SNAP47: variants seen among roughly 807,000 people sequenced by gnomAD.
The protein encoded by SNAP47 is synaptosome associated protein 47, also known as synaptosomal-associated protein 47.
Under a neutral mutation model 31.4 loss-of-function variants are expected in SNAP47, and 20 were observed. That is an observed-to-expected ratio of 0.64 (90% CI 0.45 to 0.93). The LOEUF is 0.93. Among genes scored for constraint, SNAP47 ranks in the 40% least tolerant of loss-of-function variants. SNAP47 has a pLI of 0.00. For synonymous variants in SNAP47, 194 were observed against 213.4 expected (o/e 0.91, Z 0.79); for missense variants, 492 against 528.5 (o/e 0.93, Z 0.68).
chr1:227,767,122 C>A (rs1663464343), intron 4 of SNAP47, 39 bp downstream of exon 4: 1 of 1,610,170 alleles, frequency 6.2e-7, no homozygotes, highest in African/African-American at 1.3e-5. Flanking sequence ...AGCGCTGTGT[C>A]CCAGTCTTCC....
intron 1 of SNAP47, among the ~76,000 whole-genome samples, chr1:227,744,277 C>A (rs1661811923): frequency 6.6e-6 from 1 of 150,920 alleles, no homozygotes; most frequent in Non-Finnish European, 1.5e-5. Context: ...GATTAGTGAT[C>A]AGTTCACACG....
chr1:227,742,960 C>T (rs1429356126), intron 1 of SNAP47, among the ~76,000 whole-genome samples: 5 of 152,230 alleles, frequency 3.3e-5, no homozygotes, highest in African/African-American at 1.2e-4. Flanking sequence ...CCGACCCTCG[C>T]CATGGCCCTG....
chr1:227,751,068 C>T (rs1020550768), intron 2 of SNAP47, among the ~76,000 whole-genome samples: 7 of 152,266 alleles, frequency 4.6e-5, no homozygotes, highest in South Asian at 2.1e-4. Flanking sequence ...AAAGACTGGC[C>T]GAGCCAGAGA....
At chr1:227,748,866 T>G (rs1162291886) in intron 2 of SNAP47, among the ~76,000 whole-genome samples, 1 of 152,254 alleles carries the variant, frequency 6.6e-6, no homozygotes, top group Non-Finnish European at 1.5e-5. Context: ...TCCTAGTGTA[T>G]GTCCAGAAAA....
intron 2 of SNAP47, among the ~76,000 whole-genome samples, chr1:227,756,642 A>C (rs1662714602): frequency 6.6e-6 from 1 of 150,706 alleles, no homozygotes; most frequent in African/African-American, 2.5e-5. Context: ...GCAAACAGTT[A>C]GGGTGCTGCC....
intron 3 of SNAP47, among the ~76,000 whole-genome samples, chr1:227,764,752 A>AT (rs1663281778): frequency 6.6e-6 from 1 of 152,110 alleles, no homozygotes; most frequent in African/African-American, 2.4e-5. Context: ...AAAATAAAAA[A>AT]AATTAGCCGG....
intron 4 of SNAP47, 104 bp downstream of exon 4, chr1:227,767,187 C>T (rs940800922): frequency 1.5e-5 from 23 of 1,501,786 alleles, no homozygotes; most frequent in Admixed American, 2.0e-5. Context: ...GTCATCCATC[C>T]GTATTGGCCT....
chr1:227,780,427 G>T, intron 4 of SNAP47, 100 bp from the exon 5 acceptor site: 2 of 1,516,026 alleles, frequency 1.3e-6, no homozygotes, highest in Non-Finnish European at 1.8e-6. Flanking sequence ...CACCCAGGTG[G>T]TAACGCAAAG....
Position 227,747,873 on chromosome 1 carries a change from T to A in SNAP47, c.137T>A (p.Val46Asp). 6.2e-7 allele frequency: 1 copy of A among 1,614,178 alleles called. No homozygotes were observed. The highest frequency in any genetic ancestry group is 8.5e-7 in the Non-Finnish European group (1 of 1,180,012). ...FMTDSTGEIL[V>D]SFPLSSIVEI... ...ACTGACAGCACTGGAGAGATTCTGG[T>A]CAGCTTCCCCCTCTCCAGCATAGTT... is the stretch of plus-strand genomic sequence containing the variant. The change falls in exon 2 of 5, where the codon GTC becomes GAC. Residue 46 changes from valine to aspartate, a missense_variant. Physicochemically the swap from Val to Asp is radical, Grantham distance 152. Coordinates refer to ENST00000617596, the MANE Select transcript of SNAP47 (RefSeq NM_053052.4).
At chr1:227,748,270 G>C in intron 2 of SNAP47, 37 bp downstream of exon 2, 3 of 1,504,950 alleles carry the variant, frequency 2.0e-6, no homozygotes, top group Non-Finnish European at 1.8e-6. Flanking sequence ...GGCACACACA[G>C]AGTAAGATGC....
chr1:227,768,605 T>C (rs1339806146), intron 4 of SNAP47, among the ~76,000 whole-genome samples: 1 of 152,218 alleles, frequency 6.6e-6, no homozygotes, highest in Non-Finnish European at 1.5e-5. Flanking sequence ...TGTCACTTTT[T>C]CCTCCCGGCC....
rs1047399062 is a variant in SNAP47 at position 227,771,039 on chromosome 1, G to A, written c.1113+3956G>A. On this transcript the variant is annotated intron_variant, in intron 4 of 4. Coordinates refer to ENST00000617596, the MANE Select transcript of SNAP47 (RefSeq NM_053052.4). Reference sequence around the variant, plus strand: ...CACCCCCAAGGTGACTGGGCTCTGCGGGGGCACTGAACGCAGCACCCACCC... The same window carrying A: ...CACCCCCAAGGTGACTGGGCTCTGCAGGGGCACTGAACGCAGCACCCACCC... Among the ~76,000 whole-genome samples the A allele has an allele frequency of 2.6e-5, 4 of 152,328 alleles. No individual in the cohort carries two copies. In the East Asian group the frequency reaches 7.7e-4, roughly 29 times the overall value.
At position 227,763,580 on chromosome 1, in the gene SNAP47, G is replaced by A. The variant is rs564346685; in HGVS notation, c.989-3379G>A. 2.0e-5 allele frequency among the ~76,000 whole-genome samples: 3 copies of A among 152,324 alleles called. No homozygotes were observed. The highest frequency in any genetic ancestry group is 1.9e-4 in the East Asian group (1 of 5,188). On this transcript the variant is annotated intron_variant, in intron 3 of 4. Coordinates refer to ENST00000617596, the MANE Select transcript of SNAP47 (RefSeq NM_053052.4). This position sits in a 1 kb window ranked among gnomAD's most constrained non-coding sequence, Gnocchi z 4.2. ...ACCCAGGAGCCTGCTGTGGCACCGC[G>A]GGCTCGGGTTGGGCTGACTGGGGAG... is the stretch of plus-strand genomic sequence containing the variant.
chr1:227,778,778 G>C (rs117475297), intron 4 of SNAP47, among the ~76,000 whole-genome samples: 1 of 152,170 alleles, frequency 6.6e-6, no homozygotes, highest in Admixed American at 6.5e-5. Flanking sequence ...TCATCTGCCC[G>C]TCCTCCTGGA....
At chr1:227,773,632 C>T (rs1036465467) in intron 4 of SNAP47, among the ~76,000 whole-genome samples, 6 of 152,250 alleles carry the variant, frequency 3.9e-5, no homozygotes, top group East Asian at 1.9e-4. Flanking sequence ...CTCTACACTG[C>T]GTGCCATTTC....
At chr1:227,750,746 G>T (rs1662295051) in intron 2 of SNAP47, among the ~76,000 whole-genome samples, 1 of 152,222 alleles carries the variant, frequency 6.6e-6, no homozygotes, top group African/African-American at 2.4e-5. Context: ...GGAGGCTGTG[G>T]GTGCACAATG....
At chr1:227,733,332 C>CT, upstream of SNAP47, 1 of 1,421,684 alleles carries the variant, frequency 7.0e-7, no homozygotes, top group Non-Finnish European at 9.5e-7. Flanking sequence ...CAGCCCAGCT[C>CT]TGGCTGGGAG....
rs1458793001 is a variant in SNAP47 at position 227,763,979 on chromosome 1, A to G, written c.989-2980A>G. ...CAGGGCACTCTCTTTCCAGATGACCAAGACATTCTGCAGCCAGCAGTGTGC... is the reference window on the plus strand; with the variant it reads ...CAGGGCACTCTCTTTCCAGATGACCGAGACATTCTGCAGCCAGCAGTGTGC... On this transcript the variant is annotated intron_variant, in intron 3 of 4. Transcript: ENST00000617596. This position sits in a 1 kb window ranked among gnomAD's most constrained non-coding sequence, Gnocchi z 4.2. Among the ~76,000 whole-genome samples the G allele has an allele frequency of 6.6e-6, 1 of 152,170 alleles. No individual in the cohort carries two copies. The highest frequency in any genetic ancestry group is 2.4e-5 in the African/African-American group (1 of 41,438).
At position 227,759,104 on chromosome 1, in the gene SNAP47, C is replaced by T. The variant is rs143092410; in HGVS notation, c.607C>T (p.Pro203Ser). ...REDVSMTSCEPFGKEGILIKI... is the reference protein window; with the variant it reads ...REDVSMTSCESFGKEGILIKI... ...AGATGTCTCCATGACCAGTTGTGAA[C>T]CCTTTGGGAAAGAAGGGATACTGAT... The change falls in exon 3 of 5, where the codon CCC becomes TCC. Residue 203 changes from proline (P) to serine (S), a missense_variant. Pro to Ser is a moderately conservative substitution (Grantham distance 74, BLOSUM62 -1). Coordinates refer to ENST00000617596, the MANE Select transcript of SNAP47 (RefSeq NM_053052.4). The T allele has an allele frequency of 1.6e-3, 2,623 of 1,614,132 alleles. 1 individual carries two copies. The highest frequency in any genetic ancestry group is 2.0e-3 in the Non-Finnish European group (2,306 of 1,180,022).
Sources: gnomAD v4.1 joint callset for allele counts (sites outside exome capture counted in the v4.1 genomes callset) on GRCh38, gnomAD v4.1.1 for gene constraint, Gnocchi (gnomAD v3.1) non-coding constraint, MANE v1.5 for transcripts, NCBI Gene and HGNC (gene_info 2026-07-23, HGNC 2026-07-21) for gene names.